The following RANBP17 variants were observed in gnomAD, a reference collection of about 807,000 sequenced individuals.
The protein encoded by RANBP17 is RAN binding protein 17.
RANBP17 carries 158 observed loss-of-function variants against 141.2 expected under a neutral mutation model. The observed-to-expected ratio is 1.12, with a 90% CI of 0.98 to 1.28. RANBP17 has a LOEUF of 1.28. Ranked by LOEUF, RANBP17 falls within the 50% of genes most tolerant of loss-of-function variation. The pLI is 0.00. For synonymous variants in RANBP17, 430 were observed against 450.0 expected (o/e 0.96, Z 0.56); for missense variants, 1,438 against 1,290.7 (o/e 1.11, Z -1.75).
At chr5:170,903,712 T>A (rs1184624421) in intron 5 of RANBP17, 1 of 311,164 alleles carries the variant, frequency 3.2e-6, no homozygotes, top group Non-Finnish European at 6.6e-6. Context: ...TTTGACATCA[T>A]TAGCAAAGTC....
rs549867168 is a variant in RANBP17 at position 171,017,362 on chromosome 5, T to TC, written c.1710+48988dup. ...CCACAACGGTTAAACTCATTTACAT[T>TC]CCCACCAACAGCGTAAAAGCATTCC... On this transcript the variant is annotated intron_variant, in intron 14 of 27. Coordinates refer to ENST00000523189, the MANE Select transcript of RANBP17 (RefSeq NM_022897.5). Among the ~76,000 whole-genome samples the TC allele has an allele frequency of 2.5e-3, 383 of 152,280 alleles. 4 individuals are homozygous for TC. The highest frequency in any genetic ancestry group is 7.7e-3 in the African/African-American group (321 of 41,560).
chr5:171,239,272 A>G (rs1477112411), intron 22 of RANBP17, among the ~76,000 whole-genome samples: 33 of 152,204 alleles, frequency 2.2e-4, no homozygotes, highest in Admixed American at 2.1e-3. Flanking sequence ...GAGAATATGC[A>G]TATGGAAATG....
intron 14 of RANBP17, among the ~76,000 whole-genome samples, chr5:171,072,619 A>G (rs766357614): frequency 2.2e-4 from 34 of 152,188 alleles, no homozygotes; most frequent in Non-Finnish European, 3.8e-4. Flanking sequence ...CAAACAGACA[A>G]TAAATAAATA....
At chr5:171,199,628 T>C (rs1284041894) in intron 18 of RANBP17, 42 bp from the exon 19 acceptor site, 1 of 1,233,284 alleles carries the variant, frequency 8.1e-7, no homozygotes, top group Admixed American at 1.8e-5. Flanking sequence ...TGTACAATTC[T>C]ATGCATTTTA....
At chr5:171,263,668 C>A (rs1766483826) in intron 24 of RANBP17, among the ~76,000 whole-genome samples, 1 of 152,198 alleles carries the variant, frequency 6.6e-6, no homozygotes, top group Non-Finnish European at 1.5e-5. Flanking sequence ...CACATTCACT[C>A]TCTGAAACCA....
chr5:170,867,188 A>C (rs1266968688), intron 1 of RANBP17: 2 of 152,200 alleles, frequency 1.3e-5, no homozygotes, highest in African/African-American at 2.4e-5. Flanking sequence ...ATGATGATGG[A>C]AATAAAGAGT....
At chr5:170,960,826 T>C (rs1776087038) in intron 13 of RANBP17, among the ~76,000 whole-genome samples, 1 of 152,230 alleles carries the variant, frequency 6.6e-6, no homozygotes, top group Non-Finnish European at 1.5e-5. Flanking sequence ...TTAGCCTCAT[T>C]TTCTGCCATT....
chr5:170,896,941 GTGGTCATAC>G, intron 5 of RANBP17: 1 of 745,346 alleles, frequency 1.3e-6, no homozygotes, highest in South Asian at 1.5e-5. Context: ...GACCCAGTTG[GTGGTCATAC>G]TGGTTGGCCA....
intron 26 of RANBP17, 142 bp from the exon 27 acceptor site, chr5:171,295,745 A>C (rs1475984397): frequency 1.3e-6 from 1 of 775,580 alleles, no homozygotes; most frequent in East Asian, 2.6e-5. Flanking sequence ...TAAGGGCTTA[A>C]AGTTCAAAGT....
chr5:171,021,873 T>C (rs115974528), intron 14 of RANBP17, among the ~76,000 whole-genome samples: 391 of 152,326 alleles, frequency 2.6e-3, no homozygotes, highest in African/African-American at 9.1e-3. Context: ...TTTTCAGTGT[T>C]TTTTCATTGA....
chr5:171,160,659 A>G (rs1484272263), intron 14 of RANBP17, among the ~76,000 whole-genome samples: 1 of 152,196 alleles, frequency 6.6e-6, no homozygotes, highest in Non-Finnish European at 1.5e-5. Flanking sequence ...ATTTTGTGAT[A>G]TTATACTTTG....
intron 14 of RANBP17, among the ~76,000 whole-genome samples, chr5:171,040,621 G>A (rs1050648991): frequency 2.6e-5 from 4 of 152,216 alleles, no homozygotes; most frequent in African/African-American, 9.6e-5. Context: ...AAAAAGTTTT[G>A]AGAACCAGTT....
At chr5:171,054,478 A>G (rs779564035) in intron 14 of RANBP17, among the ~76,000 whole-genome samples, 3 of 152,178 alleles carry the variant, frequency 2.0e-5, no homozygotes, top group African/African-American at 7.2e-5. Flanking sequence ...GTAAATTGTC[A>G]TGGCACTAGT....
At chr5:170,879,770 A>C (rs1202014024) in intron 2 of RANBP17, among the ~76,000 whole-genome samples, 1 of 152,148 alleles carries the variant, frequency 6.6e-6, no homozygotes, top group East Asian at 1.9e-4. Context: ...AAAACTTATC[A>C]CTGATAAGCT....
chr5:171,027,764 C>T (rs1184355258), intron 14 of RANBP17, among the ~76,000 whole-genome samples: 4 of 151,874 alleles, frequency 2.6e-5, no homozygotes, highest in African/African-American at 2.4e-5. Flanking sequence ...GAACAGAGAC[C>T]AGTAGACCTA....
intron 14 of RANBP17, among the ~76,000 whole-genome samples, chr5:171,092,666 C>T (rs1786389973): frequency 1.3e-5 from 2 of 152,162 alleles, no homozygotes; most frequent in African/African-American, 2.4e-5. Context: ...GTATTTGTCA[C>T]CTATTCTTAT....
rs1333619564 is a variant in RANBP17 at position 171,299,007 on chromosome 5, G to C, written c.*149G>C. On this transcript the variant is annotated 3_prime_UTR_variant, in exon 28 of 28. Coordinates refer to ENST00000523189, the MANE Select transcript of RANBP17 (RefSeq NM_022897.5). Reference sequence around the variant, plus strand: ...AAAGCCCTAACTTCTTATACGTCTAGCCTAATTATAAGAATTTCTAACAGT... The same window carrying C: ...AAAGCCCTAACTTCTTATACGTCTACCCTAATTATAAGAATTTCTAACAGT... 1 of 505,788 alleles carries C rather than the reference G, an allele frequency of 2.0e-6. No homozygotes were observed. The highest frequency in any genetic ancestry group is 3.5e-6 in the Non-Finnish European group (1 of 284,098). The allele number at this position is 505,788 out of a possible 1,614,324, so 31.3% of individuals were successfully genotyped here. A position where few individuals can be genotyped will look rare whatever the true frequency, so the allele number is the denominator to read the frequency against.
intron 22 of RANBP17, among the ~76,000 whole-genome samples, chr5:171,226,558 T>G (rs12653355): frequency 0.13 from 20,258 of 152,120 alleles, 1,519 homozygotes; most frequent in East Asian, 0.16. Context: ...TTGTAAAGTG[T>G]TATACAAGCC....
At chr5:171,184,950 G>A (rs1761133494) in intron 18 of RANBP17, among the ~76,000 whole-genome samples, 1 of 152,124 alleles carries the variant, frequency 6.6e-6, no homozygotes. Flanking sequence ...ATCACCTGAG[G>A]TCAGGAGTTC....
Sources: gnomAD v4.1 joint callset for allele counts (sites outside exome capture counted in the v4.1 genomes callset) on GRCh38, gnomAD v4.1.1 for gene constraint, MANE v1.5 for transcripts, NCBI Gene and HGNC (gene_info 2026-07-23, HGNC 2026-07-21) for gene names.